The following ATF6 variants were observed in gnomAD, a reference collection of about 807,000 sequenced individuals.
ATF6 encodes the protein activating transcription factor 6.
A neutral mutation model predicts 83.6 loss-of-function variants in ATF6; 53 were observed. That is an observed-to-expected ratio of 0.63 (90% CI 0.51 to 0.80). ATF6 has a LOEUF of 0.80. Ranked by LOEUF, ATF6 falls within the 30% of genes least tolerant of loss-of-function variation. The pLI, the probability that ATF6 is intolerant of heterozygous loss-of-function variation, is 0.00. For synonymous variants in ATF6, 288 were observed against 285.8 expected, an observed-to-expected ratio of 1.01 and a Z score of -0.08; for missense variants, 744 against 797.9, an observed-to-expected ratio of 0.93 and a Z score of 0.81.
At chr1:161,920,068 G>T (rs1263591806) in intron 15 of ATF6, among the ~76,000 whole-genome samples, 1 of 152,010 alleles carries the variant, frequency 6.6e-6, no homozygotes, top group Non-Finnish European at 1.5e-5. Flanking sequence ...TTCCTAAGCA[G>T]GTCGAGAGTT....
At chr1:161,910,256 A>C (rs1449909900) in intron 14 of ATF6, among the ~76,000 whole-genome samples, 2 of 152,208 alleles carry the variant, frequency 1.3e-5, no homozygotes, top group Admixed American at 1.3e-4. Flanking sequence ...TAGAGTTGGT[A>C]GTATACCAGC....
chr1:161,932,243 T>A (rs1688449373), intron 15 of ATF6, among the ~76,000 whole-genome samples: 2 of 152,214 alleles, frequency 1.3e-5, no homozygotes. Flanking sequence ...ATGTGGGGTG[T>A]TTGTATTCCA....
At chr1:161,810,860 A>G (rs1363122886) in intron 7 of ATF6, among the ~76,000 whole-genome samples, 13 of 151,622 alleles carry the variant, frequency 8.6e-5, no homozygotes, top group Non-Finnish European at 1.6e-4. Flanking sequence ...ATCATACACT[A>G]TGTGCCCTTT....
intron 9 of ATF6, among the ~76,000 whole-genome samples, chr1:161,831,179 A>C (rs1441352714): frequency 4.6e-5 from 7 of 152,172 alleles, no homozygotes; most frequent in East Asian, 1.9e-4. Context: ...ATGCAGCCAA[A>C]AGACACATGA....
chr1:161,792,580 G>C (rs942357451), intron 6 of ATF6, among the ~76,000 whole-genome samples: 4 of 152,070 alleles, frequency 2.6e-5, no homozygotes, highest in African/African-American at 9.7e-5. Flanking sequence ...ATTTTATTCT[G>C]GTGGATAAAA....
intron 15 of ATF6, among the ~76,000 whole-genome samples, chr1:161,925,878 G>C (rs1253821125): frequency 6.6e-6 from 1 of 152,144 alleles, no homozygotes; most frequent in East Asian, 1.9e-4. Context: ...CTGAGCATAG[G>C]GAACAGTATA....
chr1:161,801,886 T>G (rs1362207681), intron 6 of ATF6, among the ~76,000 whole-genome samples, 166 bp from the exon 7 acceptor site: 2 of 152,154 alleles, frequency 1.3e-5, no homozygotes, highest in Non-Finnish European at 2.9e-5. Context: ...CATAACAAAG[T>G]CACCATAAGC....
At chr1:161,931,849 T>C (rs1688440260) in intron 15 of ATF6, among the ~76,000 whole-genome samples, 1 of 152,208 alleles carries the variant, frequency 6.6e-6, no homozygotes, top group Admixed American at 6.5e-5. Context: ...TGAGCAAGCC[T>C]TATCTTGAGC....
At chr1:161,887,211 A>G (rs1687442467) in intron 14 of ATF6, among the ~76,000 whole-genome samples, 1 of 150,808 alleles carries the variant, frequency 6.6e-6, no homozygotes, top group African/African-American at 2.4e-5. Context: ...GGCTGGAATT[A>G]CAGGCATATG....
At chr1:161,933,715 C>A (rs150600350) in intron 15 of ATF6, among the ~76,000 whole-genome samples, 32 of 152,316 alleles carry the variant, frequency 2.1e-4, no homozygotes, top group African/African-American at 7.2e-4. Context: ...TAAAAGTCTG[C>A]ACTCCTAATT....
intron 5 of ATF6, 152 bp from the exon 6 acceptor site, chr1:161,791,972 G>C: frequency 1.4e-6 from 1 of 723,634 alleles, no homozygotes; most frequent in Non-Finnish European, 2.3e-6. Context: ...GTTCATTCAG[G>C]TATATGTACT....
chr1:161,772,518 CAT>C (rs1021318328), intron 1 of ATF6, among the ~76,000 whole-genome samples: 3 of 152,172 alleles, frequency 2.0e-5, no homozygotes, highest in Non-Finnish European at 4.4e-5. Context: ...CACCTATCAA[CAT>C]GTTTGCTTTC....
chr1:161,924,146 C>T (rs1360101272), intron 15 of ATF6, among the ~76,000 whole-genome samples: 2 of 152,122 alleles, frequency 1.3e-5, no homozygotes, highest in Non-Finnish European at 2.9e-5. Context: ...AGCACAGGTT[C>T]GACTGCTCTG....
At chr1:161,859,790 T>A (rs941098951) in intron 12 of ATF6, among the ~76,000 whole-genome samples, 2 of 152,200 alleles carry the variant, frequency 1.3e-5, no homozygotes, top group African/African-American at 4.8e-5. Context: ...GGCATGAAGA[T>A]CTCTGTGTTT....
At chr1:161,932,729 A>G (rs1207412745) in intron 15 of ATF6, among the ~76,000 whole-genome samples, 1 of 152,194 alleles carries the variant, frequency 6.6e-6, no homozygotes, top group Non-Finnish European at 1.5e-5. Flanking sequence ...GAGTTTAGCA[A>G]TGTGGTTCTG....
chr1:161,949,862 C>T (rs1688827795), intron 15 of ATF6, among the ~76,000 whole-genome samples: 1 of 152,120 alleles, frequency 6.6e-6, no homozygotes, highest in Admixed American at 6.5e-5. Flanking sequence ...GATCAGATTC[C>T]AACATGAGAT....
chr1:161,897,305 G>A (rs1322596362), intron 14 of ATF6, among the ~76,000 whole-genome samples: 4 of 151,852 alleles, frequency 2.6e-5, no homozygotes, highest in African/African-American at 9.7e-5. Flanking sequence ...ATGGTGGCAT[G>A]CACCTGTAGT....
chr1:161,808,052 G>A (rs997912041), intron 7 of ATF6, among the ~76,000 whole-genome samples: 21 of 151,114 alleles, frequency 1.4e-4, no homozygotes, highest in African/African-American at 4.9e-4. Context: ...GCTAATTTTT[G>A]TATTTTTAGT....
intron 9 of ATF6, among the ~76,000 whole-genome samples, chr1:161,838,006 C>A (rs1478711368): frequency 6.6e-6 from 1 of 152,192 alleles, no homozygotes; most frequent in Non-Finnish European, 1.5e-5. Flanking sequence ...TTGGCTTAAT[C>A]ACTGACAGAG....
Sources: allele counts gnomAD v4.1 joint callset (sites outside exome capture counted in the v4.1 genomes callset), GRCh38; gene constraint gnomAD v4.1.1; transcripts MANE v1.5; gene names NCBI Gene and HGNC (gene_info 2026-07-23, HGNC 2026-07-21).